ADAMTSL1: variants seen among roughly 807,000 people sequenced by gnomAD.
The protein encoded by ADAMTSL1 is ADAMTS like 1.
ADAMTSL1 carries 126 observed loss-of-function variants against 201.8 expected under a neutral mutation model. The ratio of observed to expected loss-of-function variants is 0.62; its 90% CI spans 0.54 to 0.72. ADAMTSL1 has a LOEUF of 0.72. Among genes scored for constraint, ADAMTSL1 ranks in the 30% least tolerant of loss-of-function variants. ADAMTSL1 has a pLI of 0.00. For missense variants in ADAMTSL1, 2,679 were observed against 2,277.8 expected (o/e 1.18, Z -3.59); for synonymous variants, 1,121 against 903.4 (o/e 1.24, Z -4.32).
At chr9:18,175,090 C>T (rs1828080001) in intron 2 of ADAMTSL1, among the ~76,000 whole-genome samples, 1 of 152,188 alleles carries the variant, frequency 6.6e-6, no homozygotes, top group African/African-American at 2.4e-5. Flanking sequence ...TATCAAGGTG[C>T]ATTTATAGAG....
intron 4 of ADAMTSL1, among the ~76,000 whole-genome samples, chr9:18,581,296 G>A (rs1008420784): frequency 2.0e-5 from 3 of 151,988 alleles, no homozygotes; most frequent in South Asian, 2.1e-4. Context: ...CCACCCTAAC[G>A]GATTATGAAT....
intron 7 of ADAMTSL1, among the ~76,000 whole-genome samples, chr9:18,653,613 GA>G (rs1165599827): frequency 1.2e-4 from 7 of 59,430 alleles, no homozygotes; most frequent in Non-Finnish European, 2.1e-4. Flanking sequence ...CCATTTCTAT[GA>G]AAAAGAAAAA....
intron 1 of ADAMTSL1, among the ~76,000 whole-genome samples, chr9:17,928,243 C>G (rs1184785157): frequency 1.3e-5 from 2 of 152,114 alleles, no homozygotes; most frequent in East Asian, 3.9e-4. Context: ...AAGCGATCTA[C>G]CTGCCTCAGC....
chr9:18,325,059 A>G (rs1362531584), intron 2 of ADAMTSL1, among the ~76,000 whole-genome samples: 2 of 152,226 alleles, frequency 1.3e-5, no homozygotes, highest in Non-Finnish European at 2.9e-5. Context: ...CACACTCAGT[A>G]GAATGGATAT....
chr9:18,398,413 CA>C (rs1685549324), intron 2 of ADAMTSL1, among the ~76,000 whole-genome samples: 1 of 152,134 alleles, frequency 6.6e-6, no homozygotes, highest in African/African-American at 2.4e-5. Flanking sequence ...TAGTCTAGAT[CA>C]GAGTTTTTCA....
rs182896487 is a variant in ADAMTSL1, at chr9:18,080,358, G to A, written c.88-83504G>A. 1.7e-3 allele frequency among the ~76,000 whole-genome samples: 255 copies of A among 152,286 alleles called. 3 individuals are homozygous for A. The highest frequency in any genetic ancestry group is 6.0e-3 in the African/African-American group (248 of 41,556). Reference sequence around the variant, plus strand: ...CAGAAGGATGGTACAGAAGTGGAAAGGGTGAGCTAGGAGGATACCTACAAG... The same window carrying A: ...CAGAAGGATGGTACAGAAGTGGAAAAGGTGAGCTAGGAGGATACCTACAAG... On this transcript the variant is annotated intron_variant, in intron 1 of 29. Coordinates refer to the ADAMTSL1 transcript ENST00000680146.
chr9:18,191,494 C>T (rs1174635106), intron 2 of ADAMTSL1, among the ~76,000 whole-genome samples: 1 of 152,136 alleles, frequency 6.6e-6, no homozygotes, highest in Non-Finnish European at 1.5e-5. Flanking sequence ...AGGAACCTCA[C>T]AAGTTCAGCC....
At chr9:18,359,605 C>T (rs1292158096) in intron 2 of ADAMTSL1, among the ~76,000 whole-genome samples, 1 of 152,160 alleles carries the variant, frequency 6.6e-6, no homozygotes, top group East Asian at 1.9e-4. Context: ...TAGAAAATTA[C>T]AGTAATTCCC....
chr9:18,423,445 G>A (rs1188696211), intron 2 of ADAMTSL1, among the ~76,000 whole-genome samples: 1 of 152,128 alleles, frequency 6.6e-6, no homozygotes, highest in African/African-American at 2.4e-5. Flanking sequence ...TGGTTACATA[G>A]GTAAACATAT....
At chr9:18,347,153 C>T (rs1365550652) in intron 2 of ADAMTSL1, among the ~76,000 whole-genome samples, 1 of 152,086 alleles carries the variant, frequency 6.6e-6, no homozygotes, top group Non-Finnish European at 1.5e-5. Context: ...GGTCACCCCA[C>T]TTGTAGGGCA....
intron 13 of ADAMTSL1, among the ~76,000 whole-genome samples, chr9:18,704,194 G>A (rs1832099173): frequency 1.3e-5 from 2 of 152,254 alleles, no homozygotes; most frequent in East Asian, 1.9e-4. Flanking sequence ...TTGGAACACA[G>A]CCACACTAAT....
intron 1 of ADAMTSL1, among the ~76,000 whole-genome samples, chr9:18,127,775 G>T (rs1311513717): frequency 6.6e-6 from 1 of 152,074 alleles, no homozygotes; most frequent in Non-Finnish European, 1.5e-5. Flanking sequence ...AGTAGAAAAT[G>T]GTCACCAGGA....
At chr9:18,649,668 G>C (rs144799042) in intron 7 of ADAMTSL1, among the ~76,000 whole-genome samples, 2 of 152,120 alleles carry the variant, frequency 1.3e-5, no homozygotes, top group Admixed American at 6.6e-5. Context: ...GACCCTGTTT[G>C]CCTGGGTATC....
At chr9:17,948,738 C>A (rs1288024877) in intron 1 of ADAMTSL1, among the ~76,000 whole-genome samples, 1 of 152,144 alleles carries the variant, frequency 6.6e-6, no homozygotes, top group Non-Finnish European at 1.5e-5. Flanking sequence ...ACTAGTTAAA[C>A]CATCCTGGTT....
chr9:18,335,038 A>G (rs573654785), intron 2 of ADAMTSL1, among the ~76,000 whole-genome samples: 1 of 152,262 alleles, frequency 6.6e-6, no homozygotes, highest in East Asian at 1.9e-4. Flanking sequence ...GATAATTTAG[A>G]TCCCTTAATA....
chr9:18,455,309 T>C (rs1820558898), intron 2 of ADAMTSL1, among the ~76,000 whole-genome samples: 1 of 152,186 alleles, frequency 6.6e-6, no homozygotes, highest in Non-Finnish European at 1.5e-5. Context: ...GTACAAATTG[T>C]TCACTTTTCT....
intron 2 of ADAMTSL1, among the ~76,000 whole-genome samples, chr9:18,182,560 T>C (rs1828545033): frequency 6.6e-6 from 1 of 152,220 alleles, no homozygotes; most frequent in Admixed American, 6.5e-5. Context: ...AGTAATACTT[T>C]ATGCCTGATG....
Position 18,635,973 on chromosome 9 carries a change from G to C in ADAMTSL1, c.632G>C (p.Gly211Ala), listed in dbSNP as rs558981211. 8 of 1,601,592 alleles carry C rather than the reference G, an allele frequency of 5.0e-6. No individual in the cohort carries two copies. Among genetic ancestry groups the C allele is most frequent in the Non-Finnish European group, 5.1e-6 (6 of 1,177,196 alleles). The change falls in exon 6 of 29, where the codon GGA (glycine) becomes GCA (alanine). Residue 211 changes from glycine to alanine, a missense_variant. Coordinates refer to ENST00000380548, the MANE Select transcript of ADAMTSL1 (RefSeq NM_001040272.6). ...SDDTVVAIPY[G>A]SRHIRLVLKG... The stretch of plus-strand genomic sequence containing the variant: ...GATACTGTGGTTGCAATTCCCTATG[G>C]AAGTAGACATATTCGCCTTGTCTTA...
At chr9:18,173,507 C>A (rs191692208) in intron 2 of ADAMTSL1, among the ~76,000 whole-genome samples, 101 of 152,134 alleles carry the variant, frequency 6.6e-4, no homozygotes, top group African/African-American at 2.3e-3. Flanking sequence ...AAAAATAATT[C>A]TTTTTTCTTT....
Sources: gnomAD v4.1 joint callset for allele counts (sites outside exome capture counted in the v4.1 genomes callset) on GRCh38, gnomAD v4.1.1 for gene constraint, MANE v1.5 for transcripts, NCBI Gene and HGNC (gene_info 2026-07-23, HGNC 2026-07-21) for gene names.